The following KCNN2 variants were observed in gnomAD, a reference collection of about 807,000 sequenced individuals.
The protein encoded by KCNN2 is small conductance calcium-activated potassium channel protein 2.
Under a neutral mutation model 55.5 loss-of-function variants are expected in KCNN2, and 24 were observed. The ratio of observed to expected loss-of-function variants is 0.43; its 90% CI spans 0.31 to 0.61. The LOEUF is 0.61. Ranked by LOEUF, KCNN2 falls within the 20% of genes least tolerant of loss-of-function variation. The pLI is 0.08. For synonymous variants in KCNN2, 431 were observed against 336.1 expected, an observed-to-expected ratio of 1.28 and a Z score of -3.09; for missense variants, 754 against 853.6, an observed-to-expected ratio of 0.88 and a Z score of 1.45.
chr5:114,157,548 A>C (rs1254698492), intron 1 of KCNN2, among the ~76,000 whole-genome samples: 1 of 152,100 alleles, frequency 6.6e-6, no homozygotes. Context: ...GTCAAATGGT[A>C]TTTCGAGTTC....
chr5:114,172,371 A>C (rs1326952035), intron 1 of KCNN2, among the ~76,000 whole-genome samples: 1 of 151,738 alleles, frequency 6.6e-6, no homozygotes, highest in Non-Finnish European at 1.5e-5. Context: ...CTGTTAAGCC[A>C]ATATCTCCAT....
At chr5:114,146,977 T>C (rs1752411413) in intron 1 of KCNN2, among the ~76,000 whole-genome samples, 1 of 152,198 alleles carries the variant, frequency 6.6e-6, no homozygotes, top group Admixed American at 6.6e-5. Flanking sequence ...ATGGTAGCTG[T>C]TTCTATTGCC....
At chr5:114,479,096 A>G (rs1762104751) in intron 5 of KCNN2, among the ~76,000 whole-genome samples, 1 of 152,216 alleles carries the variant, frequency 6.6e-6, no homozygotes, top group Non-Finnish European at 1.5e-5. Context: ...TAAAAGACAC[A>G]GAATGGCAAG....
intron 2 of KCNN2, among the ~76,000 whole-genome samples, chr5:114,349,948 T>A (rs144232416): frequency 4.1e-4 from 63 of 152,050 alleles, no homozygotes; most frequent in South Asian, 2.1e-4. Context: ...GGCATCCTAG[T>A]GGGTGTGAAG....
At chr5:114,085,070 G>A (rs1044674801) in intron 1 of KCNN2, among the ~76,000 whole-genome samples, 17 of 134,306 alleles carry the variant, frequency 1.3e-4, no homozygotes, top group Middle Eastern at 4.3e-3. Flanking sequence ...ATATATATAT[G>A]TGTGTGTCTA....
At chr5:114,292,670 C>T (rs187136259) in intron 2 of KCNN2, among the ~76,000 whole-genome samples, 2,787 of 151,974 alleles carry the variant, frequency 0.018, 78 homozygotes, top group African/African-American at 0.063. Context: ...GACTTGGTGA[C>T]GCGGGCTCTT....
intron 2 of KCNN2, among the ~76,000 whole-genome samples, chr5:114,301,646 T>G (rs1217791359): frequency 1.3e-5 from 2 of 152,140 alleles, no homozygotes; most frequent in Non-Finnish European, 2.9e-5. Flanking sequence ...CAAACTAATA[T>G]AACTTGCCCC....
chr5:114,261,767 G>A (rs569448635), intron 2 of KCNN2, among the ~76,000 whole-genome samples: 16 of 152,144 alleles, frequency 1.1e-4, no homozygotes, highest in Non-Finnish European at 2.1e-4. Flanking sequence ...GGGTTAGTTC[G>A]CAGAAAGTTC....
intron 2 of KCNN2, among the ~76,000 whole-genome samples, chr5:114,348,254 T>C (rs1561580175): frequency 8.1e-6 from 1 of 123,802 alleles, no homozygotes; most frequent in Non-Finnish European, 1.6e-5. Context: ...GAAAATTAAT[T>C]AATGGCCACA....
chr5:114,455,851 A>C (rs867065010), intron 3 of KCNN2, among the ~76,000 whole-genome samples: 3 of 152,232 alleles, frequency 2.0e-5, no homozygotes, highest in African/African-American at 7.2e-5. Flanking sequence ...TAATCCATAC[A>C]AGGTCCTAAC....
intron 1 of KCNN2, among the ~76,000 whole-genome samples, chr5:114,093,747 CTTA>C (rs1360324940): frequency 6.6e-6 from 1 of 152,174 alleles, no homozygotes. Context: ...TGAGAACTCA[CTTA>C]TTATCACAAG....
chr5:114,162,788 G>A (rs899977657), intron 1 of KCNN2, among the ~76,000 whole-genome samples: 2 of 152,170 alleles, frequency 1.3e-5, no homozygotes, highest in African/African-American at 4.8e-5. Context: ...TTTGGGCACA[G>A]GACCCTCCGA....
At chr5:114,486,854 A>G (rs1027547748) in intron 5 of KCNN2, 196 bp from the exon 6 acceptor site, 3 of 1,179,072 alleles carry the variant, frequency 2.5e-6, no homozygotes, top group Non-Finnish European at 3.5e-6. Flanking sequence ...CCCTATTTCA[A>G]TTTAAGTGTT....
At chr5:114,293,683 G>T (rs996191051) in intron 2 of KCNN2, among the ~76,000 whole-genome samples, 3 of 152,158 alleles carry the variant, frequency 2.0e-5, no homozygotes, top group Admixed American at 2.0e-4. Context: ...CGAGGCTTTG[G>T]TATCAGGATG....
Position 114,441,504 on chromosome 5 carries a change from A to G in KCNN2, c.1638-21545A>G, listed in dbSNP as rs531423712. ...TGTTCTCAGAGAACAATGCAGAAAA[A>G]TTAGAAATCAAAACTCCAGAAGTAA... On this transcript the variant is annotated intron_variant, in intron 3 of 7. Coordinates refer to ENST00000673685, the MANE Select transcript of KCNN2 (RefSeq NM_021614.4). 5.9e-5 allele frequency among the ~76,000 whole-genome samples: 9 copies of G among 152,326 alleles called. No homozygotes were observed. The South Asian group carries it at 1.7e-3, about 28-fold the overall frequency.
At chr5:114,257,990 T>C (rs947584744) in intron 2 of KCNN2, among the ~76,000 whole-genome samples, 1 of 152,122 alleles carries the variant, frequency 6.6e-6, no homozygotes, top group African/African-American at 2.4e-5. Context: ...GCATATATTG[T>C]TTTTATTATT....
intron 1 of KCNN2, among the ~76,000 whole-genome samples, chr5:114,058,993 C>A (rs1290090962): frequency 6.6e-6 from 1 of 152,068 alleles, no homozygotes; most frequent in Non-Finnish European, 1.5e-5. Context: ...GGAAATGTCC[C>A]AGTGCCAGGC....
In KCNN2 at chr5:114,429,818, CTTTTTT is replaced by C. The variant is rs61595962; in HGVS notation, c.1637+24980_1637+24985del. On this transcript the variant is annotated intron_variant, in intron 3 of 7. Coordinates refer to ENST00000673685, the MANE Select transcript of KCNN2 (RefSeq NM_021614.4). ...AAGGTGTAAGGTCTGTATATAGATG[CTTTTTT>C]TTTTTTTTTTTTTTTTTAACATGTG... Among the ~76,000 whole-genome samples the C allele has an allele frequency of 3.2e-3, 230 of 71,256 alleles. 1 individual carries two copies. The highest frequency in any genetic ancestry group is 0.011 in the African/African-American group (201 of 18,072). The allele number at this position is 71,256 out of a possible 152,430, so 46.7% of individuals were successfully genotyped here.
At chr5:114,137,935 T>A (rs1752205048) in intron 1 of KCNN2, among the ~76,000 whole-genome samples, 2 of 152,120 alleles carry the variant, frequency 1.3e-5, no homozygotes, top group African/African-American at 2.4e-5. Context: ...GTGGAAACAT[T>A]AAAGAATATT....
Sources: allele counts gnomAD v4.1 joint callset (sites outside exome capture counted in the v4.1 genomes callset), GRCh38; gene constraint gnomAD v4.1.1; transcripts MANE v1.5; gene names NCBI Gene and HGNC (gene_info 2026-07-23, HGNC 2026-07-21).